The following MASP1 variants were observed in gnomAD, a reference collection of about 807,000 sequenced individuals.
The protein encoded by MASP1 is MBL associated serine protease 1, also known as mannan-binding lectin serine protease 1.
In MASP1, 59 loss-of-function variants were observed where a neutral mutation model predicts 77.1. The ratio of observed to expected loss-of-function variants is 0.77; its 90% confidence interval spans 0.62 to 0.95. The LOEUF (loss-of-function observed/expected upper bound fraction) is 0.95, where lower values mean the gene tolerates loss of function less well. Ranked by LOEUF, MASP1 falls within the 40% of genes least tolerant of loss-of-function variation. MASP1 has a pLI of 0.00. For missense variants in MASP1, 885 were observed against 912.9 expected (o/e 0.97, Z 0.39); for synonymous variants, 362 against 354.5 (o/e 1.02, Z -0.24).
chr3:187,276,895 G>A (rs377642278), intron 2 of MASP1: 1 of 152,222 alleles, frequency 6.6e-6, no homozygotes, highest in African/African-American at 2.4e-5. Flanking sequence ...TATGCAGTAG[G>A]TGAAATGAGT....
intron 3 of MASP1, among the ~76,000 whole-genome samples, chr3:187,261,802 T>TA (rs1715601291): frequency 6.6e-6 from 1 of 152,116 alleles, no homozygotes; most frequent in African/African-American, 2.4e-5. Context: ...TAGTGAGAGC[T>TA]AAAAAATGGG....
At chr3:187,265,428 A>G (rs1249735418) in intron 2 of MASP1, among the ~76,000 whole-genome samples, 1 of 152,162 alleles carries the variant, frequency 6.6e-6, no homozygotes, top group Non-Finnish European at 1.5e-5. Context: ...TGGCAGATAA[A>G]TCAGATAAAT....
intron 7 of MASP1, among the ~76,000 whole-genome samples, chr3:187,250,928 G>C (rs1193591604): frequency 6.6e-6 from 1 of 152,154 alleles, no homozygotes; most frequent in East Asian, 1.9e-4. Context: ...TACTGCTTCT[G>C]GGGGTGGGAG....
intron 1 of MASP1, among the ~76,000 whole-genome samples, chr3:187,289,194 A>G (rs1298157836): frequency 6.6e-6 from 1 of 152,184 alleles, no homozygotes; most frequent in Non-Finnish European, 1.5e-5. Context: ...GGAACAGGCT[A>G]GCAGGACTCT....
chr3:187,289,062 G>A (rs927561267), intron 1 of MASP1, among the ~76,000 whole-genome samples: 1 of 152,030 alleles, frequency 6.6e-6, no homozygotes, highest in African/African-American at 2.4e-5. Context: ...TCTTGTATAC[G>A]AGGCACCGGC....
chr3:187,272,516 C>T (rs575921269), intron 2 of MASP1, among the ~76,000 whole-genome samples: 5 of 152,148 alleles, frequency 3.3e-5, no homozygotes, highest in Admixed American at 6.5e-5. Flanking sequence ...TAAGATGACA[C>T]TACAAAGGGT....
chr3:187,228,209 C>T (rs1319266636), intron 11 of MASP1, among the ~76,000 whole-genome samples: 1 of 151,586 alleles, frequency 6.6e-6, no homozygotes, highest in Non-Finnish European at 1.5e-5. Flanking sequence ...ATGGCTTGAA[C>T]CCGAGAGGCG....
intron 2 of MASP1, among the ~76,000 whole-genome samples, chr3:187,267,536 T>C (rs1375897633): frequency 6.6e-6 from 1 of 152,244 alleles, no homozygotes; most frequent in Non-Finnish European, 1.5e-5. Context: ...TGTAATCACA[T>C]ACAGAGAAAG....
At chr3:187,284,523 G>A (rs142702691) in intron 2 of MASP1, among the ~76,000 whole-genome samples, 22 of 152,270 alleles carry the variant, frequency 1.4e-4, no homozygotes, top group Admixed American at 1.1e-3. Context: ...ATTTTTAGAC[G>A]CAGAGACCTA....
intron 3 of MASP1, among the ~76,000 whole-genome samples, 157 bp downstream of exon 3, chr3:187,262,386 T>C (rs1436074542): frequency 6.6e-6 from 1 of 152,182 alleles, no homozygotes; most frequent in Non-Finnish European, 1.5e-5. Flanking sequence ...GGTAGATAGA[T>C]GGATAGATAC....
At chr3:187,251,095 A>G (rs1714545332) in intron 7 of MASP1, among the ~76,000 whole-genome samples, 1 of 152,136 alleles carries the variant, frequency 6.6e-6, no homozygotes, top group Non-Finnish European at 1.5e-5. Context: ...AGTAGCTGGG[A>G]TTACAGGCGC....
chr3:187,230,534 C>G (rs527556336), downstream of MASP1, among the ~76,000 whole-genome samples: 1 of 152,280 alleles, frequency 6.6e-6, no homozygotes, highest in South Asian at 2.1e-4. Context: ...AGAGTCACAG[C>G]TAATAAAGAA....
At chr3:187,220,065 C>A in exon 16 of MASP1, 2 of 1,613,176 alleles carry the variant, frequency 1.2e-6, no homozygotes, top group Non-Finnish European at 1.7e-6. Context: ...GGCTGAGGAG[C>A]CAAATTCAGT....
Position 187,234,535 on chromosome 3 carries a change from G to C in MASP1, c.*1149C>G. 10 of 1,287,166 alleles carry C rather than the reference G, an allele frequency of 7.8e-6. No individual in the cohort carries two copies. The highest frequency in any genetic ancestry group is 9.1e-6 in the Non-Finnish European group (9 of 988,632). The allele number at this position is 1,287,166 out of a possible 1,614,324, so 79.7% of individuals were successfully genotyped here. On this transcript the variant is annotated 3_prime_UTR_variant, in exon 11 of 11. Transcript: ENST00000296280. ...GGGCAGAGCAGGGACTAGAACCCAGGACTCCTGGCTCTTTTCACTGCCTGC... is the reference window on the plus strand; with the variant it reads ...GGGCAGAGCAGGGACTAGAACCCAGCACTCCTGGCTCTTTTCACTGCCTGC...
At chr3:187,258,151 G>A (rs1435268209) in intron 4 of MASP1, among the ~76,000 whole-genome samples, 1 of 152,196 alleles carries the variant, frequency 6.6e-6, no homozygotes, top group Non-Finnish European at 1.5e-5. Context: ...TACTGGCCTT[G>A]TGGTAAGTGA....
chr3:187,262,103 C>A (rs529264225), intron 3 of MASP1, among the ~76,000 whole-genome samples: 150 of 152,264 alleles, frequency 9.9e-4, no homozygotes, highest in Admixed American at 1.6e-3. Flanking sequence ...GGCAGGGACA[C>A]AAAGGAACCC....
Position 187,287,408 on chromosome 3 carries a change from T to C in MASP1, c.6-1352A>G, listed in dbSNP as rs185262590. On this transcript the variant is annotated intron_variant, in intron 1 of 10. Coordinates refer to ENST00000296280, the MANE Select transcript of MASP1 (RefSeq NM_139125.4). ...AGAGCTTCCCAGCTATGGAGTATCCTTTCACTCCTCCACAAGCCACTGCTC... is the reference window on the plus strand; with the variant it reads ...AGAGCTTCCCAGCTATGGAGTATCCCTTCACTCCTCCACAAGCCACTGCTC... 1.6e-3 allele frequency among the ~76,000 whole-genome samples: 239 copies of C among 152,356 alleles called. 1 individual carries two copies. Among genetic ancestry groups the C allele is most frequent in the African/African-American group, 5.4e-3 (224 of 41,584 alleles).
At chr3:187,273,789 A>G (rs1322509108) in intron 2 of MASP1, among the ~76,000 whole-genome samples, 3 of 152,190 alleles carry the variant, frequency 2.0e-5, no homozygotes, top group African/African-American at 7.2e-5. Flanking sequence ...CACTTCAGAA[A>G]CTCTTGAAAG....
chr3:187,228,157 T>C (rs1414835568), intron 11 of MASP1, among the ~76,000 whole-genome samples: 1 of 151,852 alleles, frequency 6.6e-6, no homozygotes, highest in African/African-American at 2.4e-5. Flanking sequence ...GACTCAAAAA[T>C]TCAAGGTTTG....
Sources: gnomAD v4.1 joint callset for allele counts (sites outside exome capture counted in the v4.1 genomes callset) on GRCh38, gnomAD v4.1.1 for gene constraint, MANE v1.5 for transcripts, NCBI Gene and HGNC (gene_info 2026-07-23, HGNC 2026-07-21) for gene names.